Variants in SNX24 observed in about 807,000 individuals in gnomAD.
SNX24 encodes sorting nexin 24.
SNX24 carries 22 observed loss-of-function variants against 28.7 expected under a neutral mutation model. The observed-to-expected ratio is 0.77, with a 90% confidence interval of 0.55 to 1.10. SNX24 has a LOEUF of 1.10. Ranked by LOEUF, SNX24 falls within the 50% of genes least tolerant of loss-of-function variation. SNX24 has a pLI of 0.00. For missense variants in SNX24, 221 were observed against 201.1 expected (o/e 1.10, Z -0.60); for synonymous variants, 69 against 71.5 (o/e 0.96, Z 0.18).
At chr5:122,949,500 A>AG (rs1759840088) in intron 3 of SNX24, among the ~76,000 whole-genome samples, 1 of 152,142 alleles carries the variant, frequency 6.6e-6, no homozygotes, top group Non-Finnish European at 1.5e-5. Flanking sequence ...TCAGATCTTA[A>AG]GGGGAAAAAA....
At chr5:122,866,516 G>A (rs780894849) in intron 1 of SNX24, among the ~76,000 whole-genome samples, 4 of 152,186 alleles carry the variant, frequency 2.6e-5, no homozygotes, top group African/African-American at 4.8e-5. Flanking sequence ...CACCTCCGCC[G>A]GTTGTGTTTC....
At chr5:122,950,673 C>T (rs781274514) in intron 3 of SNX24, among the ~76,000 whole-genome samples, 2 of 152,154 alleles carry the variant, frequency 1.3e-5, no homozygotes, top group Non-Finnish European at 2.9e-5. Flanking sequence ...TATTTGTGTG[C>T]ATGCCCACTT....
At chr5:122,982,061 C>A (rs1761417900) in intron 3 of SNX24, among the ~76,000 whole-genome samples, 1 of 152,204 alleles carries the variant, frequency 6.6e-6, no homozygotes, top group Non-Finnish European at 1.5e-5. Flanking sequence ...TCCTTTGGCA[C>A]ACACATTTGT....
chr5:122,954,386 G>A (rs771884572), intron 3 of SNX24, among the ~76,000 whole-genome samples: 3 of 151,880 alleles, frequency 2.0e-5, no homozygotes, highest in East Asian at 1.9e-4. Context: ...GAACAAAGAT[G>A]TGTTAAAATT....
At chr5:122,912,521 G>C (rs1021724884) in intron 1 of SNX24, among the ~76,000 whole-genome samples, 7 of 152,096 alleles carry the variant, frequency 4.6e-5, no homozygotes, top group Non-Finnish European at 1.0e-4. Context: ...AATAGGAGTG[G>C]TGAGAGAGGG....
intron 1 of SNX24, among the ~76,000 whole-genome samples, chr5:122,919,942 G>A (rs1758349594): frequency 1.3e-5 from 2 of 152,212 alleles, no homozygotes; most frequent in South Asian, 4.1e-4. Flanking sequence ...TAGCTGAATT[G>A]TTCTAATAGT....
At chr5:122,880,365 G>A (rs1292691208) in intron 1 of SNX24, among the ~76,000 whole-genome samples, 2 of 152,188 alleles carry the variant, frequency 1.3e-5, no homozygotes, top group African/African-American at 2.4e-5. Context: ...TGGGGCTGAG[G>A]GTGGAGGAGA....
At chr5:122,914,631 G>A (rs1290065031) in intron 1 of SNX24, among the ~76,000 whole-genome samples, 3 of 150,652 alleles carry the variant, frequency 2.0e-5, no homozygotes, top group Non-Finnish European at 2.9e-5. Context: ...TTGGGAGAGT[G>A]TATGTGTCGA....
chr5:123,021,069 G>A (rs542571723), intron 5 of SNX24, among the ~76,000 whole-genome samples: 1 of 151,864 alleles, frequency 6.6e-6, no homozygotes, highest in African/African-American at 2.4e-5. Context: ...CATCACTGAT[G>A]ACCACTGTTC....
chr5:122,921,553 G>GA (rs916307137), intron 1 of SNX24, among the ~76,000 whole-genome samples: 22 of 151,696 alleles, frequency 1.5e-4, no homozygotes, highest in Non-Finnish European at 2.5e-4. Flanking sequence ...TGGAGAGAAA[G>GA]AAAAAAAATT....
chr5:122,979,181 C>G (rs1761291429), intron 3 of SNX24, among the ~76,000 whole-genome samples: 1 of 152,178 alleles, frequency 6.6e-6, no homozygotes, highest in Non-Finnish European at 1.5e-5. Flanking sequence ...CAGAACTACT[C>G]TTAGGATTCA....
chr5:123,000,026 A>T lies in SNX24; in HGVS notation c.344+20A>T, dbSNP rs1762190256. ...TTGTGGGTAAGAATCATGTTTGCAT[A>T]TTGGATGTGTATTTTAAATTACTCT... On this transcript the variant is annotated intron_variant, in intron 4 of 6. Coordinates refer to ENST00000261369, the MANE Select transcript of SNX24 (RefSeq NM_014035.4). The T allele has an allele frequency of 7.0e-7, 1 of 1,438,594 alleles. No individual in the cohort carries two copies. The highest frequency in any genetic ancestry group is 1.7e-4 in the Middle Eastern group (1 of 5,728). The allele number at this position is 1,438,594 out of a possible 1,614,324, so 89.1% of individuals were successfully genotyped here.
intron 1 of SNX24, among the ~76,000 whole-genome samples, chr5:122,891,705 G>A (rs1756981164): frequency 1.3e-5 from 2 of 152,122 alleles, no homozygotes; most frequent in African/African-American, 4.8e-5. Context: ...ATTGACTCTG[G>A]TCTGATTTAC....
intron 3 of SNX24, chr5:122,998,109 A>G (rs1390620809): frequency 6.6e-6 from 1 of 152,178 alleles, no homozygotes; most frequent in Non-Finnish European, 1.5e-5. Flanking sequence ...ATTTAAGGAA[A>G]TTTAATTGAA....
intron 5 of SNX24, chr5:123,024,111 T>A: frequency 7.6e-7 from 1 of 1,308,382 alleles, no homozygotes; most frequent in Non-Finnish European, 1.0e-6. Context: ...GGAAATAAGG[T>A]TGGTTGGTTG....
intron 1 of SNX24, among the ~76,000 whole-genome samples, chr5:122,855,170 C>G (rs1208265652): frequency 6.6e-6 from 1 of 151,964 alleles, no homozygotes; most frequent in Non-Finnish European, 1.5e-5. Context: ...CTCCTGGGTT[C>G]CACAATTTCT....
At chr5:122,942,874 A>G (rs2150122570) in intron 2 of SNX24, among the ~76,000 whole-genome samples, 1 of 152,356 alleles carries the variant, frequency 6.6e-6, no homozygotes, top group African/African-American at 2.4e-5. Flanking sequence ...CCCAGCAGCT[A>G]TGATCATACG....
chr5:122,981,673 G>A (rs921001378), intron 3 of SNX24, among the ~76,000 whole-genome samples: 1 of 90,484 alleles, frequency 1.1e-5, no homozygotes, highest in Non-Finnish European at 3.3e-5. Context: ...TTTTGTTTTT[G>A]TTTGTTTGTT....
intron 1 of SNX24, among the ~76,000 whole-genome samples, chr5:122,866,677 C>A: frequency 6.6e-6 from 1 of 152,122 alleles, no homozygotes. Flanking sequence ...TGCCATATTC[C>A]AGACAGGAGA....
Sources: gnomAD v4.1 joint callset for allele counts (sites outside exome capture counted in the v4.1 genomes callset) on GRCh38, gnomAD v4.1.1 for gene constraint, MANE v1.5 for transcripts, NCBI Gene and HGNC (gene_info 2026-07-23, HGNC 2026-07-21) for gene names.